The following EXTL3 variants were observed in gnomAD, a reference collection of about 807,000 sequenced individuals.
EXTL3 encodes the protein exostosin-like 3.
Under a neutral mutation model 69.3 loss-of-function variants are expected in EXTL3, and 27 were observed. That is an observed-to-expected ratio of 0.39 (90% CI 0.29 to 0.54). The LOEUF is 0.54. EXTL3 is among the 20% of genes least tolerant of loss of function. The pLI is 0.69. For synonymous variants in EXTL3, 511 were observed against 499.4 expected (o/e 1.02, Z -0.31); for missense variants, 1,003 against 1,231.8 (o/e 0.81, Z 2.78).
chr8:28,641,967 C>A (rs1429055194), intron 1 of EXTL3, among the ~76,000 whole-genome samples: 1 of 152,118 alleles, frequency 6.6e-6, no homozygotes, highest in African/African-American at 2.4e-5. Context: ...TCCCAAGTAG[C>A]TGGGACTACA....
chr8:28,751,702 G>GT lies in EXTL3; in HGVS notation c.*836_*837insT, dbSNP rs1802009554. 1 of 152,236 alleles carries GT rather than the reference G, an allele frequency of 6.6e-6. No homozygotes were observed. Among genetic ancestry groups the GT allele is most frequent in the Non-Finnish European group, 1.5e-5 (1 of 68,052 alleles). 9.4% of individuals were successfully genotyped at this position (152,236 alleles called of 1,614,324 possible). A position where few individuals can be genotyped will look rare whatever the true frequency, so the allele number is the denominator to read the frequency against. On this transcript the variant is annotated 3_prime_UTR_variant, in exon 7 of 7. Coordinates refer to ENST00000220562, the MANE Select transcript of EXTL3 (RefSeq NM_001440.4). ...ATTTCTCTCTTGTTTGAGAGAGAAT[G>GT]AGGAAGCAAAGAGTGAGAAAGAATA...
At chr8:28,613,657 C>A (rs755811033) in intron 2 of EXTL3, among the ~76,000 whole-genome samples, 16 of 152,172 alleles carry the variant, frequency 1.1e-4, no homozygotes, top group Non-Finnish European at 2.1e-4. Flanking sequence ...GATTTGGTTT[C>A]TTTAATAGGT....
chr8:28,677,422 A>G (rs1807405999), intron 1 of EXTL3, among the ~76,000 whole-genome samples: 1 of 152,208 alleles, frequency 6.6e-6, no homozygotes, highest in South Asian at 2.1e-4. Context: ...GAGTACAGAG[A>G]CCTAAAGGGA....
chr8:28,698,946 T>C (rs1400011828), upstream of EXTL3, among the ~76,000 whole-genome samples: 1 of 152,082 alleles, frequency 6.6e-6, no homozygotes, highest in East Asian at 1.9e-4. Flanking sequence ...AGAGTCGAGA[T>C]CATGCCACTG....
intron 1 of EXTL3, among the ~76,000 whole-genome samples, chr8:28,687,153 A>G (rs1807590798): frequency 1.3e-5 from 2 of 152,198 alleles, no homozygotes; most frequent in African/African-American, 4.8e-5. Flanking sequence ...ATTCCAGTCC[A>G]AGCTGGAAAC....
At chr8:28,629,111 C>T (rs1457390204) in intron 1 of EXTL3, among the ~76,000 whole-genome samples, 1 of 152,106 alleles carries the variant, frequency 6.6e-6, no homozygotes, top group Non-Finnish European at 1.5e-5. Context: ...TGAGCAACTT[C>T]AAGCAAAGGG....
chr8:28,713,322 G>T, intron 1 of EXTL3, 135 bp from the exon 2 acceptor site: 1 of 561,168 alleles, frequency 1.8e-6, no homozygotes, highest in Non-Finnish European at 3.1e-6. Context: ...ATTATTTGGT[G>T]ACCTCATGTA....
chr8:28,658,259 G>T (rs763367553), intron 1 of EXTL3, among the ~76,000 whole-genome samples: 2 of 152,074 alleles, frequency 1.3e-5, no homozygotes, highest in South Asian at 2.1e-4. Context: ...CTCAGCAGGG[G>T]ATATTTTTTC....
intron 1 of EXTL3, among the ~76,000 whole-genome samples, chr8:28,678,687 C>G (rs955572070): frequency 6.6e-6 from 1 of 152,156 alleles, no homozygotes; most frequent in African/African-American, 2.4e-5. Context: ...AATTACCCAG[C>G]CTTTGTAGCA....
chr8:28,609,126 C>A (rs1347954567), intron 2 of EXTL3, among the ~76,000 whole-genome samples: 1 of 139,402 alleles, frequency 7.2e-6, no homozygotes, highest in Non-Finnish European at 1.6e-5. Context: ...GAGCTTGACA[C>A]ATTTGAGGCA....
At chr8:28,698,988 C>T (rs34875801), upstream of EXTL3, among the ~76,000 whole-genome samples, 24,749 of 149,950 alleles carry the variant, frequency 0.17, 2,503 homozygotes, top group Middle Eastern at 0.21. Flanking sequence ...AGTGAGACTC[C>T]GTCTCAAAAC....
chr8:28,708,304 A>G (rs1460948499), intron 1 of EXTL3, among the ~76,000 whole-genome samples: 3 of 152,176 alleles, frequency 2.0e-5, no homozygotes, highest in Non-Finnish European at 2.9e-5. Context: ...ACACAGTAAG[A>G]AACCACTGTG....
At chr8:28,616,261 G>A (rs1806329408) in intron 2 of EXTL3, among the ~76,000 whole-genome samples, 2 of 151,746 alleles carry the variant, frequency 1.3e-5, no homozygotes, top group South Asian at 4.2e-4. Flanking sequence ...GAGGGGGTGA[G>A]GAATTAAGAG....
At chr8:28,627,318 G>A (rs560647942) in intron 1 of EXTL3, among the ~76,000 whole-genome samples, 52 of 152,006 alleles carry the variant, frequency 3.4e-4, no homozygotes, top group Middle Eastern at 6.8e-3. Context: ...GGCAAAACTC[G>A]TCTCTACAAA....
At chr8:28,726,613 T>C (rs1014512512) in intron 3 of EXTL3, among the ~76,000 whole-genome samples, 4 of 152,158 alleles carry the variant, frequency 2.6e-5, no homozygotes, top group African/African-American at 9.7e-5. Context: ...GGGGGCTGTC[T>C]TGTGCACTAT....
upstream of EXTL3, among the ~76,000 whole-genome samples, chr8:28,699,102 G>A (rs1476343950): frequency 6.6e-6 from 1 of 152,156 alleles, no homozygotes; most frequent in African/African-American, 2.4e-5. Context: ...CAGGGACATC[G>A]GGGCTGCAGT....
intron 1 of EXTL3, among the ~76,000 whole-genome samples, chr8:28,650,756 C>T (rs944123357): frequency 6.6e-6 from 1 of 151,998 alleles, no homozygotes; most frequent in Admixed American, 6.6e-5. Flanking sequence ...TGGTTTTGGG[C>T]CCCTTTAGTT....
At chr8:28,649,849 A>C (rs1056042271) in intron 1 of EXTL3, among the ~76,000 whole-genome samples, 15 of 139,140 alleles carry the variant, frequency 1.1e-4, no homozygotes, top group African/African-American at 3.7e-4. Context: ...AATTCTATAA[A>C]GTTTTGATTT....
At chr8:28,639,523 G>C (rs543870460) in intron 1 of EXTL3, among the ~76,000 whole-genome samples, 2 of 152,152 alleles carry the variant, frequency 1.3e-5, no homozygotes, top group Admixed American at 6.5e-5. Flanking sequence ...TCCGTGTTAC[G>C]TTTTCTGAAA....
Sources: allele counts gnomAD v4.1 joint callset (sites outside exome capture counted in the v4.1 genomes callset), GRCh38; gene constraint gnomAD v4.1.1; transcripts MANE v1.5; gene names NCBI Gene and HGNC (gene_info 2026-07-23, HGNC 2026-07-21).